Variants in NGF observed in about 807,000 individuals in gnomAD.
NGF encodes beta-nerve growth factor.
In NGF, 4 loss-of-function variants were observed where a neutral mutation model predicts 12.8. The ratio of observed to expected loss-of-function variants is 0.31; its 90% CI spans 0.15 to 0.72. The LOEUF is 0.72. Ranked by LOEUF, NGF falls within the 30% of genes least tolerant of loss-of-function variation. The pLI is 0.69. For missense variants in NGF, 283 were observed against 330.8 expected, an observed-to-expected ratio of 0.86 and a Z score of 1.12; for synonymous variants, 140 against 130.0, an observed-to-expected ratio of 1.08 and a Z score of -0.52.
rs531989678 is a variant in NGF, at chr1:115,307,995, T to C, written c.-136-14245A>G. ...GGACACAAGGACAACATTAGGGGAA[T>C]TGGGGTTTCCCATTGATGCTTGGAT... On this transcript the variant is annotated intron_variant, in intron 1 of 2. Coordinates refer to ENST00000369512, the MANE Select transcript of NGF (RefSeq NM_002506.3). Among the ~76,000 whole-genome samples the C allele has an allele frequency of 9.2e-5, 14 of 152,366 alleles. No individual in the cohort carries two copies. The East Asian group carries it at 2.1e-3, about 23-fold the overall frequency.
chr1:115,308,146 T>A (rs1386105203), intron 1 of NGF, among the ~76,000 whole-genome samples: 2 of 152,254 alleles, frequency 1.3e-5, no homozygotes, highest in Non-Finnish European at 2.9e-5. Flanking sequence ...GCATCATTGC[T>A]TTACCAGGTA....
intron 1 of NGF, among the ~76,000 whole-genome samples, chr1:115,312,111 T>C (rs192148814): frequency 2.8e-3 from 425 of 152,356 alleles, no homozygotes; most frequent in Non-Finnish European, 4.7e-3. Flanking sequence ...TTTAGTTTGC[T>C]GTTGCTTGTC....
chr1:115,337,978 AC>A (rs1469229372), intron 1 of NGF, among the ~76,000 whole-genome samples: 1 of 152,138 alleles, frequency 6.6e-6, no homozygotes, highest in Non-Finnish European at 1.5e-5. Flanking sequence ...CACGACCAGA[AC>A]TAACGCTGTT....
At chr1:115,325,377 G>A (rs1304403951) in intron 1 of NGF, among the ~76,000 whole-genome samples, 1 of 152,096 alleles carries the variant, frequency 6.6e-6, no homozygotes, top group Non-Finnish European at 1.5e-5. Context: ...TGTTGCAGGT[G>A]CTTGTCCTGT....
At chr1:115,304,808 C>T (rs1654151210) in intron 1 of NGF, among the ~76,000 whole-genome samples, 1 of 152,130 alleles carries the variant, frequency 6.6e-6, no homozygotes, top group Admixed American at 6.5e-5. Flanking sequence ...GCCCTTCCAC[C>T]CCAGCGGGAG....
intron 1 of NGF, among the ~76,000 whole-genome samples, chr1:115,327,333 TCTC>T (rs1432846123): frequency 9.2e-5 from 14 of 152,322 alleles, no homozygotes; most frequent in African/African-American, 3.4e-4. Flanking sequence ...CTTTCTGACA[TCTC>T]CTGCTCTTTT....
intron 1 of NGF, among the ~76,000 whole-genome samples, chr1:115,303,098 C>A (rs1571081144): frequency 6.6e-6 from 1 of 152,046 alleles, no homozygotes; most frequent in Non-Finnish European, 1.5e-5. Context: ...CCCCAACAAA[C>A]AAACACCAAA....
At chr1:115,300,114 C>G (rs953344652) in intron 1 of NGF, among the ~76,000 whole-genome samples, 1 of 152,222 alleles carries the variant, frequency 6.6e-6, no homozygotes, top group African/African-American at 2.4e-5. Flanking sequence ...CTCGGCTCTT[C>G]TTGAGCTAGC....
chr1:115,292,585 T>C (rs1653736480), intron 2 of NGF, among the ~76,000 whole-genome samples: 1 of 152,136 alleles, frequency 6.6e-6, no homozygotes. Flanking sequence ...GACTTGGGCT[T>C]TTGCAGCCAG....
At chr1:115,288,807 G>A (rs943528655) in intron 2 of NGF, among the ~76,000 whole-genome samples, 4 of 152,190 alleles carry the variant, frequency 2.6e-5, no homozygotes, top group African/African-American at 9.7e-5. Context: ...ATGAAAGAAA[G>A]AATGAATGAG....
intron 2 of NGF, among the ~76,000 whole-genome samples, chr1:115,288,267 A>T (rs1223324124): frequency 6.6e-6 from 1 of 152,170 alleles, no homozygotes; most frequent in Non-Finnish European, 1.5e-5. Context: ...AGAACTCTGC[A>T]TTGGGTCTGG....
At chr1:115,301,612 G>A (rs757796433) in intron 1 of NGF, among the ~76,000 whole-genome samples, 5 of 152,192 alleles carry the variant, frequency 3.3e-5, no homozygotes, top group East Asian at 3.8e-4. Flanking sequence ...TGTCCCAGTC[G>A]TGATTGGAAT....
intron 1 of NGF, among the ~76,000 whole-genome samples, chr1:115,321,212 G>C (rs1654614265): frequency 6.6e-6 from 1 of 152,182 alleles, no homozygotes; most frequent in Non-Finnish European, 1.5e-5. Context: ...AGCCCCGTCA[G>C]GAGGGAGAGA....
In NGF at chr1:115,286,532, C is replaced by T. The variant is rs769893063; in HGVS notation, c.264G>A (p.Leu88=). 20 of 1,614,094 alleles carry T rather than the reference C, an allele frequency of 1.2e-5. No individual in the cohort carries two copies. In the Admixed American group the frequency reaches 3.2e-4, roughly 26 times the overall value. Residue 88 remains leucine (L), a synonymous_variant, in exon 3 of 3, where the codon CTG becomes CTA. Coordinates refer to ENST00000369512, the MANE Select transcript of NGF (RefSeq NM_002506.3). ...KKRRLRSPRV[L]FSTQPPREAA... is the part of the protein sequence containing the mutation. The stretch of plus-strand genomic sequence containing the variant: ...CTTCACGGGGAGGCTGGGTGCTAAA[C>T]AGCACACGGGGTGAACGGAGTCGCC...
intron 1 of NGF, among the ~76,000 whole-genome samples, chr1:115,332,297 AC>A (rs972561939): frequency 5.3e-5 from 8 of 152,230 alleles, no homozygotes; most frequent in African/African-American, 1.9e-4. Flanking sequence ...GTCTTCTCTT[AC>A]CCAGACATTA....
At chr1:115,325,441 T>G (rs1654746890) in intron 1 of NGF, among the ~76,000 whole-genome samples, 1 of 152,024 alleles carries the variant, frequency 6.6e-6, no homozygotes, top group East Asian at 1.9e-4. Flanking sequence ...TGGCTGCCAG[T>G]AACACCCCTG....
At chr1:115,333,642 ACTTT>A (rs1045425104) in intron 1 of NGF, among the ~76,000 whole-genome samples, 5 of 150,018 alleles carry the variant, frequency 3.3e-5, no homozygotes, top group African/African-American at 7.4e-5. Context: ...GCTCCTTAAG[ACTTT>A]CTTTCTTTCT....
intron 1 of NGF, among the ~76,000 whole-genome samples, chr1:115,319,087 A>G (rs1168393905): frequency 2.0e-5 from 3 of 152,260 alleles, no homozygotes; most frequent in Non-Finnish European, 4.4e-5. Context: ...ACTAAAGGTC[A>G]GCATAGTAAG....
At chr1:115,313,485 G>A (rs11466082) in intron 1 of NGF, among the ~76,000 whole-genome samples, 4,626 of 152,266 alleles carry the variant, frequency 0.03, 220 homozygotes, top group African/African-American at 0.11. Context: ...TCCTGGCATA[G>A]TTTGCAATGA....
Sources: gnomAD v4.1 joint callset for allele counts (sites outside exome capture counted in the v4.1 genomes callset) on GRCh38, gnomAD v4.1.1 for gene constraint, MANE v1.5 for transcripts, NCBI Gene and HGNC (gene_info 2026-07-23, HGNC 2026-07-21) for gene names.